The following EBF2 variants were observed in gnomAD, a reference collection of about 807,000 sequenced individuals.
EBF2 encodes EBF transcription factor 2.
In EBF2, 21 loss-of-function variants were observed where a neutral mutation model predicts 72.8. That is an observed-to-expected ratio of 0.29 (90% CI 0.20 to 0.42). The LOEUF (loss-of-function observed/expected upper bound fraction) is 0.42, where lower values mean the gene tolerates loss of function less well. EBF2 is among the 10% of genes least tolerant of loss of function. The pLI, the probability that EBF2 is intolerant of heterozygous loss-of-function variation, is 1.00. For synonymous variants in EBF2, 299 were observed against 274.2 expected, an observed-to-expected ratio of 1.09 and a Z score of -0.89; for missense variants, 637 against 731.2, an observed-to-expected ratio of 0.87 and a Z score of 1.49.
chr8:25,889,675 A>G, intron 8 of EBF2, 77 bp downstream of exon 8: 1 of 1,162,116 alleles, frequency 8.6e-7, no homozygotes. Context: ...TGACTCCAAG[A>G]CATAAATTTG....
At chr8:25,867,259 A>C (rs1431052025) in intron 10 of EBF2, among the ~76,000 whole-genome samples, 1 of 152,160 alleles carries the variant, frequency 6.6e-6, no homozygotes, top group Non-Finnish European at 1.5e-5. Flanking sequence ...TATATTGAGA[A>C]GTTTTCTTTA....
At chr8:25,927,409 A>G (rs900337900) in intron 6 of EBF2, among the ~76,000 whole-genome samples, 16 of 150,564 alleles carry the variant, frequency 1.1e-4, no homozygotes, top group African/African-American at 3.2e-4. Flanking sequence ...TATATTATAT[A>G]TCATATATAA....
intron 6 of EBF2, among the ~76,000 whole-genome samples, chr8:25,935,092 T>C (rs1030520830): frequency 6.6e-6 from 1 of 151,960 alleles, no homozygotes; most frequent in South Asian, 2.1e-4. Flanking sequence ...AACCCAGAAA[T>C]TTTTTTTAAG....
chr8:25,849,839 G>T (rs1160107866), intron 15 of EBF2, among the ~76,000 whole-genome samples: 1 of 152,160 alleles, frequency 6.6e-6, no homozygotes, highest in Admixed American at 6.5e-5. Flanking sequence ...AATTTGACTT[G>T]CATGTAACCA....
At chr8:25,898,819 T>G (rs1802899097) in intron 7 of EBF2, among the ~76,000 whole-genome samples, 1 of 152,196 alleles carries the variant, frequency 6.6e-6, no homozygotes, top group South Asian at 2.1e-4. Flanking sequence ...GCTGAGGAAC[T>G]ATGCACTCTT....
At chr8:25,854,112 G>A (rs1008753098) in intron 14 of EBF2, among the ~76,000 whole-genome samples, 1 of 151,622 alleles carries the variant, frequency 6.6e-6, no homozygotes, top group Admixed American at 6.6e-5. Context: ...TCTTTGGGAA[G>A]AAATAATACA....
At chr8:26,041,820 C>A (rs796349679) in intron 2 of EBF2, among the ~76,000 whole-genome samples, 3 of 152,068 alleles carry the variant, frequency 2.0e-5, no homozygotes, top group South Asian at 2.1e-4. Context: ...GTCCAAGGGG[C>A]GTTTGCTCCG....
chr8:25,950,347 G>A (rs1314670982), intron 6 of EBF2, among the ~76,000 whole-genome samples: 2 of 152,198 alleles, frequency 1.3e-5, no homozygotes, highest in Non-Finnish European at 1.5e-5. Flanking sequence ...TAATGGAAAT[G>A]TACAATGAAA....
chr8:26,037,280 A>G (rs1367192462), intron 5 of EBF2, among the ~76,000 whole-genome samples: 1 of 152,172 alleles, frequency 6.6e-6, no homozygotes, highest in African/African-American at 2.4e-5. Flanking sequence ...GGGGAAGGGG[A>G]AAAAGCCCCA....
At chr8:25,970,269 G>T (rs1804170961) in intron 6 of EBF2, among the ~76,000 whole-genome samples, 1 of 152,160 alleles carries the variant, frequency 6.6e-6, no homozygotes, top group Non-Finnish European at 1.5e-5. Context: ...TGGTACCAAA[G>T]CGTAAGTGAA....
chr8:25,959,441 G>A (rs182215567), intron 6 of EBF2, among the ~76,000 whole-genome samples: 82 of 152,320 alleles, frequency 5.4e-4, no homozygotes, highest in African/African-American at 1.9e-3. Flanking sequence ...CTGACCTCAG[G>A]TGATCCACCT....
At chr8:25,994,184 T>C (rs1007663272) in intron 6 of EBF2, among the ~76,000 whole-genome samples, 1 of 152,096 alleles carries the variant, frequency 6.6e-6, no homozygotes, top group Admixed American at 6.5e-5. Context: ...AATATGACTA[T>C]AAAACTTACA....
chr8:25,868,474 C>A (rs929159196), intron 10 of EBF2, among the ~76,000 whole-genome samples: 36 of 151,986 alleles, frequency 2.4e-4, no homozygotes, highest in Admixed American at 2.1e-3. Context: ...GATATACACA[C>A]TTTTTGTTGT....
chr8:25,861,107 G>T lies in EBF2; in HGVS notation c.1284C>A (p.Asn428Lys). Reference sequence around the variant, plus strand: ...TGACCCCAAGCTGGCTGCCATAGGAGTTGATTCCCATCATGCCACTGTGCG... The same window carrying T: ...TGACCCCAAGCTGGCTGCCATAGGATTTGATTCCCATCATGCCACTGTGCG... ...SPAHSGMMGINSYGSQLGVSI... is the reference protein window; with the variant it reads ...SPAHSGMMGIKSYGSQLGVSI... The change falls in exon 13 of 16, where the codon AAC becomes AAA. Residue 428 changes from asparagine to lysine, a missense_variant. By Grantham distance (94) the Asn-to-Lys change is moderately conservative (BLOSUM62 0). Transcript: ENST00000520164. 6.2e-7 allele frequency: 1 copy of T among 1,614,192 alleles called. No individual in the cohort carries two copies. The highest frequency in any genetic ancestry group is 1.1e-5 in the South Asian group (1 of 91,088).
chr8:25,854,881 A>G (rs973419395), intron 14 of EBF2, among the ~76,000 whole-genome samples: 5 of 152,192 alleles, frequency 3.3e-5, no homozygotes, highest in African/African-American at 1.2e-4. Context: ...ATGATGTAGG[A>G]ATCTATGAGG....
intron 6 of EBF2, among the ~76,000 whole-genome samples, chr8:25,943,330 A>AAAAG (rs1223677782): frequency 9.6e-5 from 14 of 145,078 alleles, no homozygotes; most frequent in African/African-American, 3.1e-4. Flanking sequence ...AAAAAAAAAA[A>AAAAG]AAAGAAAGAA....
At chr8:25,858,015 T>G in intron 14 of EBF2, 1 of 521,124 alleles carries the variant, frequency 1.9e-6, no homozygotes, top group Non-Finnish European at 3.7e-6. Context: ...AGAGCACACA[T>G]ATTGTTAACA....
At chr8:25,887,260 C>T (rs1413603724) in intron 9 of EBF2, among the ~76,000 whole-genome samples, 2 of 152,032 alleles carry the variant, frequency 1.3e-5, no homozygotes, top group African/African-American at 4.8e-5. Flanking sequence ...CCCACCCTCA[C>T]CCCTGGAATC....
intron 10 of EBF2, among the ~76,000 whole-genome samples, chr8:25,872,291 T>A (rs567996630): frequency 3.3e-5 from 5 of 152,082 alleles, no homozygotes; most frequent in East Asian, 1.9e-4. Context: ...TTAAAAAAAA[T>A]GTGAGAGAAG....
Sources: gnomAD v4.1 joint callset for allele counts (sites outside exome capture counted in the v4.1 genomes callset) on GRCh38, gnomAD v4.1.1 for gene constraint, MANE v1.5 for transcripts, NCBI Gene and HGNC (gene_info 2026-07-23, HGNC 2026-07-21) for gene names.